Variants in GUCY1A2 observed in about 807,000 individuals in gnomAD.
The protein encoded by GUCY1A2 is guanylate cyclase soluble subunit alpha-2.
In GUCY1A2, 27 loss-of-function variants were observed where a neutral mutation model predicts 63.5. The ratio of observed to expected loss-of-function variants is 0.43; its 90% CI spans 0.31 to 0.59. GUCY1A2 has a LOEUF of 0.59. Among genes scored for constraint, GUCY1A2 ranks in the 20% least tolerant of loss-of-function variants. The pLI, the probability that GUCY1A2 is intolerant of heterozygous loss-of-function variation, is 0.11. For synonymous variants in GUCY1A2, 364 were observed against 343.5 expected (o/e 1.06, Z -0.66); for missense variants, 768 against 913.3 (o/e 0.84, Z 2.05).
At chr11:106,921,441 A>T (rs564227896) in intron 4 of GUCY1A2, among the ~76,000 whole-genome samples, 66 of 152,168 alleles carry the variant, frequency 4.3e-4, no homozygotes, top group African/African-American at 1.6e-3. Context: ...GGACTAAAAC[A>T]ATTCTAGTTT....
chr11:106,936,009 G>T (rs1313293365), intron 4 of GUCY1A2, among the ~76,000 whole-genome samples: 1 of 151,958 alleles, frequency 6.6e-6, no homozygotes, highest in East Asian at 1.9e-4. Context: ...ACATTAAAAA[G>T]ATTTACTAAG....
At chr11:106,998,564 T>G (rs1861570925) in intron 1 of GUCY1A2, among the ~76,000 whole-genome samples, 1 of 152,222 alleles carries the variant, frequency 6.6e-6, no homozygotes, top group Non-Finnish European at 1.5e-5. Context: ...TTTTCCAGCT[T>G]CTAAAAACAT....
chr11:106,954,207 T>C (rs911727639), intron 3 of GUCY1A2, among the ~76,000 whole-genome samples: 23 of 152,194 alleles, frequency 1.5e-4, no homozygotes, highest in Non-Finnish European at 2.9e-5. Context: ...GATTCTGGTA[T>C]GTTGTCTCTT....
intron 5 of GUCY1A2, among the ~76,000 whole-genome samples, chr11:106,777,246 C>T (rs192574229): frequency 3.3e-5 from 5 of 152,068 alleles, no homozygotes; most frequent in African/African-American, 9.6e-5. Context: ...GTCAGCATAT[C>T]GAGACCATCC....
intron 4 of GUCY1A2, among the ~76,000 whole-genome samples, chr11:106,903,091 A>T (rs976937930): frequency 6.6e-6 from 1 of 152,078 alleles, no homozygotes; most frequent in African/African-American, 2.4e-5. Flanking sequence ...TATTCTTTAG[A>T]ATGTAAACTT....
At chr11:106,725,951 C>A (rs1194412512) in intron 6 of GUCY1A2, among the ~76,000 whole-genome samples, 1 of 151,926 alleles carries the variant, frequency 6.6e-6, no homozygotes, top group Non-Finnish European at 1.5e-5. Flanking sequence ...AAAAGTAGAT[C>A]TTACCCATTG....
At chr11:107,014,547 T>C (rs1039032343) in intron 1 of GUCY1A2, among the ~76,000 whole-genome samples, 6 of 152,168 alleles carry the variant, frequency 3.9e-5, no homozygotes, top group Non-Finnish European at 5.9e-5. Flanking sequence ...ATTTCACCAA[T>C]ACAACTTACT....
In GUCY1A2 at chr11:106,918,474, A is replaced by T. The variant is rs1031164684; in HGVS notation, c.1206+20986T>A. Among the ~76,000 whole-genome samples the T allele has an allele frequency of 9.6e-4, 139 of 145,514 alleles. 5 individuals carry two copies. The highest frequency in any genetic ancestry group is 3.2e-3 in the African/African-American group (130 of 40,966). On this transcript the variant is annotated intron_variant, in intron 4 of 7. Coordinates refer to ENST00000526355, the MANE Select transcript of GUCY1A2 (RefSeq NM_000855.3). ...ACTTGTAAGGAGACAACAGAACTCA[A>T]ATTTGTTTGCATATTCTTCCTCGCC...
chr11:106,858,096 A>C (rs1024072264), intron 4 of GUCY1A2, among the ~76,000 whole-genome samples: 1 of 152,176 alleles, frequency 6.6e-6, no homozygotes, highest in Non-Finnish European at 1.5e-5. Context: ...ATATTGTCTA[A>C]AGCTTTCACT....
chr11:106,866,589 A>G (rs889430598), intron 4 of GUCY1A2, among the ~76,000 whole-genome samples: 2 of 152,068 alleles, frequency 1.3e-5, no homozygotes, highest in Non-Finnish European at 2.9e-5. Flanking sequence ...TTCTATGTTC[A>G]GTTAGCATTT....
chr11:106,865,919 T>C (rs1859585987), intron 4 of GUCY1A2, among the ~76,000 whole-genome samples: 1 of 151,582 alleles, frequency 6.6e-6, no homozygotes, highest in South Asian at 2.1e-4. Context: ...AAAATGCATA[T>C]GGAAATTATT....
intron 4 of GUCY1A2, among the ~76,000 whole-genome samples, chr11:106,854,378 G>A (rs1209634910): frequency 6.6e-6 from 1 of 152,206 alleles, no homozygotes; most frequent in South Asian, 2.1e-4. Context: ...CCTGGGAAGT[G>A]CACATGTGCA....
intron 4 of GUCY1A2, among the ~76,000 whole-genome samples, chr11:106,938,579 T>C (rs1045676878): frequency 1.3e-5 from 2 of 152,202 alleles, no homozygotes; most frequent in Non-Finnish European, 2.9e-5. Flanking sequence ...TACTGGAAAC[T>C]GAATGGAACT....
At position 106,810,128 on chromosome 11, in the gene GUCY1A2, A is replaced by G. The variant is rs1858744203; in HGVS notation, c.1557T>C (p.Asp519=). 1 of 1,613,892 alleles carries G rather than the reference A, an allele frequency of 6.2e-7. No homozygotes were observed. The highest frequency in any genetic ancestry group is 1.3e-5 in the African/African-American group (1 of 74,934). ...GQQVQARKFD[D]VTMLFSDIVG... is the part of the protein sequence containing the mutation. ...CAATGTCTGAAAAGAGCATGGTGACATCATCAAACTTTCTGGCCTGTACTT... is the reference window on the plus strand; with the variant it reads ...CAATGTCTGAAAAGAGCATGGTGACGTCATCAAACTTTCTGGCCTGTACTT... The change falls in exon 5 of 8, where the codon GAT becomes GAC. Residue 519 remains aspartate (D), a synonymous_variant. Transcript: ENST00000526355.
chr11:106,773,911 A>G (rs926094003), intron 6 of GUCY1A2, among the ~76,000 whole-genome samples: 5 of 152,180 alleles, frequency 3.3e-5, no homozygotes, highest in African/African-American at 1.2e-4. Flanking sequence ...TTTTGACCTG[A>G]TAAGTTCACA....
intron 6 of GUCY1A2, 139 bp downstream of exon 6, chr11:106,776,300 C>T: frequency 1.6e-6 from 1 of 630,638 alleles, no homozygotes; most frequent in Admixed American, 2.9e-5. Flanking sequence ...TGAGTTATCT[C>T]TAGTCACTCC....
chr11:106,786,615 G>A (rs1864560129), intron 5 of GUCY1A2, among the ~76,000 whole-genome samples: 1 of 152,106 alleles, frequency 6.6e-6, no homozygotes. Context: ...AGCATGTTAG[G>A]GAAGAGAAAT....
intron 5 of GUCY1A2, among the ~76,000 whole-genome samples, chr11:106,783,626 CT>C (rs2135407525): frequency 6.6e-6 from 1 of 152,284 alleles, no homozygotes; most frequent in African/African-American, 2.4e-5. Context: ...GCATGGGATC[CT>C]TGCCATGTGA....
intron 7 of GUCY1A2, among the ~76,000 whole-genome samples, chr11:106,698,339 T>C (rs1161057778): frequency 6.6e-6 from 1 of 151,230 alleles, no homozygotes; most frequent in African/African-American, 2.4e-5. Context: ...CCCAGACTGG[T>C]CTCAAACTCC....
Sources: allele counts gnomAD v4.1 joint callset (sites outside exome capture counted in the v4.1 genomes callset), GRCh38; gene constraint gnomAD v4.1.1; transcripts MANE v1.5; gene names NCBI Gene and HGNC (gene_info 2026-07-23, HGNC 2026-07-21).